Variants in SCAPER observed in about 807,000 individuals in gnomAD.
The protein encoded by SCAPER is S phase cyclin A-associated protein in the endoplasmic reticulum.
In SCAPER, 98 loss-of-function variants were observed where a neutral mutation model predicts 182.2. The ratio of observed to expected loss-of-function variants is 0.54; its 90% confidence interval spans 0.46 to 0.64. The LOEUF (loss-of-function observed/expected upper bound fraction) is 0.64, where lower values mean the gene tolerates loss of function less well. Ranked by LOEUF, SCAPER falls within the 30% of genes least tolerant of loss-of-function variation. The pLI is 0.00. For synonymous variants in SCAPER, 605 were observed against 564.6 expected (o/e 1.07, Z -1.01); for missense variants, 1,432 against 1,690.0 (o/e 0.85, Z 2.68).
rs141530710 is a variant in SCAPER at position 76,618,448 on chromosome 15, GA to G, written c.2711+3315del. ...CTCTTTAGAATGATTTTAGATCTATGAAAAAAAGGTTGCTATTTTACAGGAA... is the reference window on the plus strand; with the variant it reads ...CTCTTTAGAATGATTTTAGATCTATGAAAAAAGGTTGCTATTTTACAGGAA... On this transcript the variant is annotated intron_variant, in intron 22 of 31. Coordinates refer to ENST00000563290, the MANE Select transcript of SCAPER (RefSeq NM_020843.4). Among the ~76,000 whole-genome samples the G allele has an allele frequency of 1.0e-2, 1,516 of 151,976 alleles. 18 individuals are homozygous for G. The highest frequency in any genetic ancestry group is 0.035 in the African/African-American group (1,439 of 41,444).
intron 5 of SCAPER, among the ~76,000 whole-genome samples, chr15:76,832,043 G>C (rs1434307794): frequency 6.6e-6 from 1 of 152,106 alleles, no homozygotes; most frequent in African/African-American, 2.4e-5. Context: ...AGATGAGAAA[G>C]AGCCAGCACA....
intron 8 of SCAPER, among the ~76,000 whole-genome samples, chr15:76,777,239 G>GC (rs1346481270): frequency 6.6e-6 from 1 of 152,118 alleles, no homozygotes; most frequent in African/African-American, 2.4e-5. Flanking sequence ...TGAAAGAACT[G>GC]CCCATTGTGA....
intron 5 of SCAPER, among the ~76,000 whole-genome samples, chr15:76,831,232 G>A (rs1182869463): frequency 6.6e-6 from 1 of 152,090 alleles, no homozygotes; most frequent in African/African-American, 2.4e-5. Context: ...AGAGGGCAGG[G>A]CTGTCTTGCC....
intron 23 of SCAPER, among the ~76,000 whole-genome samples, chr15:76,536,610 T>C (rs1223982437): frequency 6.6e-6 from 1 of 152,124 alleles, no homozygotes; most frequent in African/African-American, 2.4e-5. Context: ...GCCAATATCA[T>C]ACTGAATGGG....
chr15:76,497,989 CAAAAA>C (rs747096625), intron 24 of SCAPER, among the ~76,000 whole-genome samples: 12 of 58,316 alleles, frequency 2.1e-4, no homozygotes, highest in African/African-American at 6.3e-4. Flanking sequence ...GACTCCGTCT[CAAAAA>C]AAAAAAAAAA....
chr15:76,588,598 G>A (rs4886818), intron 22 of SCAPER, among the ~76,000 whole-genome samples: 74,599 of 151,972 alleles, frequency 0.49, 19,279 homozygotes, highest in Middle Eastern at 0.64. Context: ...TACATTCAAC[G>A]TGAGTATTGA....
chr15:76,485,102 G>A (rs182170202), intron 24 of SCAPER, among the ~76,000 whole-genome samples: 28 of 152,300 alleles, frequency 1.8e-4, no homozygotes, highest in Non-Finnish European at 2.8e-4. Flanking sequence ...ACGAAGAGTG[G>A]AAGTACAACT....
In SCAPER at chr15:76,760,937, T is replaced by A. The variant is rs551952691; in HGVS notation, c.1725+4024A>T. On this transcript the variant is annotated intron_variant, in intron 14 of 31. Transcript: ENST00000563290. Reference sequence around the variant, plus strand: ...AGAAAATTTCAAGAAAGGTTGGTACTACTTCTCCTTTATATGTTTCATAGA... The same window carrying A: ...AGAAAATTTCAAGAAAGGTTGGTACAACTTCTCCTTTATATGTTTCATAGA... Among the ~76,000 whole-genome samples, 15 of 152,356 alleles carry A rather than the reference T, an allele frequency of 9.8e-5. No homozygotes were observed. In the East Asian group the frequency reaches 2.9e-3, roughly 29 times the overall value.
At chr15:76,459,051 T>G (rs1222797746) in intron 25 of SCAPER, among the ~76,000 whole-genome samples, 1 of 152,058 alleles carries the variant, frequency 6.6e-6, no homozygotes, top group Non-Finnish European at 1.5e-5. Context: ...TGTGCCACCA[T>G]GCCTGGCAAA....
intron 19 of SCAPER, 92 bp downstream of exon 19, chr15:76,702,758 G>C: frequency 6.9e-7 from 1 of 1,443,608 alleles, no homozygotes; most frequent in Non-Finnish European, 9.4e-7. Context: ...CTGCCTTAGC[G>C]TGAGTTTTAA....
At chr15:76,802,096 G>A (rs1419603754) in intron 6 of SCAPER, among the ~76,000 whole-genome samples, 1 of 151,756 alleles carries the variant, frequency 6.6e-6, no homozygotes, top group Admixed American at 6.6e-5. Context: ...TAATGCATTG[G>A]TGATTACATT....
intron 5 of SCAPER, among the ~76,000 whole-genome samples, chr15:76,823,445 A>G (rs1328579497): frequency 6.6e-6 from 1 of 152,098 alleles, no homozygotes; most frequent in Non-Finnish European, 1.5e-5. Context: ...GGGCAACAAG[A>G]GCAAAACTCT....
chr15:76,460,895 C>T (rs2049121980), intron 25 of SCAPER, among the ~76,000 whole-genome samples: 1 of 152,090 alleles, frequency 6.6e-6, no homozygotes, highest in Admixed American at 6.6e-5. Flanking sequence ...AACTACAGCA[C>T]AATTACCAAA....
At chr15:76,422,699 G>A (rs555395487) in intron 26 of SCAPER, among the ~76,000 whole-genome samples, 10 of 152,212 alleles carry the variant, frequency 6.6e-5, no homozygotes, top group African/African-American at 1.9e-4. Context: ...TCTTGTGCCC[G>A]TTTTCAAAGG....
intron 1 of SCAPER, among the ~76,000 whole-genome samples, chr15:76,893,947 A>G (rs2074291685): frequency 6.6e-6 from 1 of 152,204 alleles, no homozygotes; most frequent in African/African-American, 2.4e-5. Flanking sequence ...ATAGTGACAA[A>G]AGCCTACATA....
chr15:76,795,498 A>C, intron 7 of SCAPER, 58 bp from the exon 8 acceptor site: 1 of 1,293,728 alleles, frequency 7.7e-7, no homozygotes, highest in South Asian at 1.9e-5. Context: ...ACTTCTGAAT[A>C]TATGCTAAAT....
intron 23 of SCAPER, among the ~76,000 whole-genome samples, chr15:76,506,841 C>T (rs532722601): frequency 6.6e-6 from 1 of 152,206 alleles, no homozygotes; most frequent in African/African-American, 2.4e-5. Flanking sequence ...TTTGGGAGAA[C>T]ATTAAGTAAC....
chr15:76,716,227 T>C (rs1477207628), intron 17 of SCAPER, among the ~76,000 whole-genome samples: 1 of 152,140 alleles, frequency 6.6e-6, no homozygotes, highest in Non-Finnish European at 1.5e-5. Context: ...AGAAGCTGCA[T>C]GATAACTACA....
At chr15:76,857,948 G>T in intron 3 of SCAPER, 69 bp from the exon 4 acceptor site, 1 of 1,093,796 alleles carries the variant, frequency 9.1e-7, no homozygotes, top group Non-Finnish European at 1.3e-6. Context: ...TGAACTACAG[G>T]TAATTAGATA....
Sources: gnomAD v4.1 joint callset for allele counts (sites outside exome capture counted in the v4.1 genomes callset) on GRCh38, gnomAD v4.1.1 for gene constraint, MANE v1.5 for transcripts, NCBI Gene and HGNC (gene_info 2026-07-23, HGNC 2026-07-21) for gene names.